The following CSF2RA variants were observed in gnomAD, a reference collection of about 807,000 sequenced individuals.
The protein encoded by CSF2RA is granulocyte-macrophage colony-stimulating factor receptor subunit alpha.
CSF2RA carries 42 observed loss-of-function variants against 51.6 expected under a neutral mutation model. That is an observed-to-expected ratio of 0.81 (90% CI 0.64 to 1.05). The LOEUF (loss-of-function observed/expected upper bound fraction) is 1.05. Ranked by LOEUF, CSF2RA falls within the 50% of genes least tolerant of loss-of-function variation. The probability of loss-of-function intolerance (pLI) is 0.00; values close to 1 mark genes in which losing one functional copy is unlikely to be tolerated. For missense variants in CSF2RA, 530 were observed against 501.1 expected, an observed-to-expected ratio of 1.06 and a Z score of -0.55; for synonymous variants, 222 against 193.0, an observed-to-expected ratio of 1.15 and a Z score of -1.24.
chrX:1,301,730 G>A (rs1437655167), intron 10 of CSF2RA, among the ~76,000 whole-genome samples: 3 of 149,682 alleles, frequency 2.0e-5, no homozygotes, highest in Non-Finnish European at 4.4e-5. Context: ...CCCAGTAGCT[G>A]GGACTACAGG....
chrX:1,309,715 C>T lies in CSF2RA; in HGVS notation c.*236C>T. The T allele has an allele frequency of 4.5e-6, 4 of 885,038 alleles. No individual in the cohort carries two copies. Among genetic ancestry groups the T allele is most frequent in the South Asian group, 1.4e-5 (1 of 73,020 alleles). The allele number at this position is 885,038 out of a possible 1,614,324, so 54.8% of individuals were successfully genotyped here. A position where few individuals can be genotyped will look rare whatever the true frequency, so the allele number is the denominator to read the frequency against. ...CAGCCTGCCCAACATGGTGAAACCC[C>T]ATCTGGACTAAAAATGCAGAAATTT... On this transcript the variant is annotated 3_prime_UTR_variant, in exon 13 of 13. Coordinates refer to ENST00000381529, the MANE Select transcript of CSF2RA (RefSeq NM_172245.4).
the CSF2RA span, among the ~76,000 whole-genome samples, chrX:1,319,154 C>T: frequency 4.1e-5 from 6 of 148,138 alleles, no homozygotes; most frequent in Admixed American, 6.8e-5. Flanking sequence ...CGCCACCACG[C>T]CTGGCTAATT....
downstream of CSF2RA, chrX:1,310,061 G>A (rs1326021538): frequency 1.7e-5 from 6 of 352,226 alleles, no homozygotes; most frequent in Non-Finnish European, 2.5e-5. Flanking sequence ...TGGGCGTGGT[G>A]GCTTGTGCCT....
intron 6 of CSF2RA, among the ~76,000 whole-genome samples, chrX:1,289,442 GTTGTTTTGTTTTGTGTTTT>G (rs1476075548): frequency 1.3e-5 from 2 of 152,108 alleles, no homozygotes; most frequent in South Asian, 4.1e-4. Context: ...TTTTTTGGTT[GTTGTTTTGTTTTGTGTTTT>G]TTGTTTTGTT....
At chrX:1,301,753 C>T (rs184386576) in intron 10 of CSF2RA, among the ~76,000 whole-genome samples, 2,355 of 150,764 alleles carry the variant, frequency 0.016, 65 homozygotes, top group African/African-American at 0.055. Flanking sequence ...CCCATCACCA[C>T]GCCTGGCTAA....
Position 1,288,831 on chromosome X carries a change from C to T in CSF2RA, c.416C>T (p.Ala139Val), listed in dbSNP as rs777638014. ...YNADLMNCTW[A>V]RGPTAPRDVQ... ...GCGGATTTAATGAACTGTACCTGGG[C>T]GAGGGGTCCGACGGCCCCCCGTGAC... The change falls in exon 6 of 13, where the codon GCG (alanine) becomes GTG (valine). Residue 139 changes from alanine to valine, a missense_variant. Transcript: ENST00000381529. The T allele has an allele frequency of 1.1e-5, 18 of 1,613,788 alleles. No individual in the cohort carries two copies. In the African/African-American group the frequency reaches 1.3e-4, roughly 12 times the overall value.
At chrX:1,272,425 T>C (rs1422349748) in intron 1 of CSF2RA, among the ~76,000 whole-genome samples, 1 of 151,842 alleles carries the variant, frequency 6.6e-6, no homozygotes, top group Admixed American at 6.6e-5. Context: ...AGGAATTCTA[T>C]TGAGGAGCAA....
rs1336881397 is a variant in CSF2RA, at chrX:1,278,697, A to C, written c.-27+3879A>C. Among the ~76,000 whole-genome samples, 3 of 138,608 alleles carry C rather than the reference A, an allele frequency of 2.2e-5. 1 individual carries two copies. The highest frequency in any genetic ancestry group is 4.8e-5 in the Non-Finnish European group (3 of 62,364). The allele number at this position is 138,608 out of a possible 152,430, so 90.9% of individuals were successfully genotyped here. ...TGAGACTCAGTCTAAAAAAAAAAAA[A>C]ATTCAGGGCAAGCAAGTTTATTATG... On this transcript the variant is annotated intron_variant, in intron 2 of 12. Transcript: ENST00000381529.
rs1317579852 is a variant in CSF2RA at position 1,286,935 on chromosome X, C to T, written c.219+1015C>T. On this transcript the variant is annotated intron_variant, in intron 4 of 12. Coordinates refer to ENST00000381529, the MANE Select transcript of CSF2RA (RefSeq NM_172245.4). ...AACACAGGAGACAGAGACAGAAGAGCGGGGAGAGGGGAGGGAAGGAGGGAG... is the reference window on the plus strand; with the variant it reads ...AACACAGGAGACAGAGACAGAAGAGTGGGGAGAGGGGAGGGAAGGAGGGAG... Among the ~76,000 whole-genome samples, 16 of 150,254 alleles carry T rather than the reference C, an allele frequency of 1.1e-4. No individual in the cohort carries two copies. In the East Asian group the frequency reaches 1.6e-3, roughly 15 times the overall value.
rs1447438040 is a variant in CSF2RA at position 1,290,272 on chromosome X, G to C, written c.474-65G>C. The stretch of plus-strand genomic sequence containing the variant: ...TTTGTTTTGTGTTTGTTTTTGTTTT[G>C]TTTTGTGTTTTTGTGTTTTGTTTTG... On this transcript the variant is annotated intron_variant, in intron 6 of 12. Coordinates refer to ENST00000381529, the MANE Select transcript of CSF2RA (RefSeq NM_172245.4). 4.6e-6 allele frequency: 6 copies of C among 1,315,566 alleles called. No homozygotes were observed. The South Asian group carries it at 4.8e-5, about 11-fold the overall frequency. The allele number at this position is 1,315,566 out of a possible 1,614,324, so 81.5% of individuals were successfully genotyped here.
rs1481642745 is a variant in CSF2RA, at chrX:1,300,594, A to G, written c.914A>G (p.Asn305Ser). The G allele has an allele frequency of 6.2e-7, 1 of 1,613,892 alleles. No homozygotes were observed. Among genetic ancestry groups the G allele is most frequent in the South Asian group, 1.1e-5 (1 of 91,076 alleles). Residue 305 changes from asparagine to serine, a missense_variant, in exon 10 of 13, where the codon AAT becomes AGT. Asn to Ser is a conservative substitution (Grantham distance 46). Transcript: ENST00000381529. Reference protein sequence around the residue: ...KIRAADVRILNWSSWSEAIEF... With the variant: ...KIRAADVRILSWSSWSEAIEF... ...AGAGCTGCAGACGTCCGCATCTTGA[A>G]TTGGAGCTCCTGGAGTGAAGCCATT...
In CSF2RA at chrX:1,309,639, C is replaced by G. The variant is rs373423651; in HGVS notation, c.*160C>G. ...CGGTGGCTCACGCCTGTAATCCCAG[C>G]ACTTTGGGAGGCCAAGGCAGGCGGA... On this transcript the variant is annotated 3_prime_UTR_variant, in exon 13 of 13. Coordinates refer to ENST00000381529, the MANE Select transcript of CSF2RA (RefSeq NM_172245.4). 3.2e-6 allele frequency: 5 copies of G among 1,561,542 alleles called. No individual in the cohort carries two copies. The African/African-American group carries it at 6.8e-5, about 21-fold the overall frequency.
chrX:1,269,276 G>A (rs1242712474), intron 1 of CSF2RA, among the ~76,000 whole-genome samples: 2 of 152,098 alleles, frequency 1.3e-5, no homozygotes, highest in Non-Finnish European at 1.5e-5. Context: ...TATCTAGCAC[G>A]GAATTATCAC....
At position 1,289,616 on chromosome X, in the gene CSF2RA, TTGTTTTGTTTTG is replaced by T. The variant is rs1449671910; in HGVS notation, c.474-703_474-692del. Among the ~76,000 whole-genome samples, 14 of 152,066 alleles carry T rather than the reference TTGTTTTGTTTTG, an allele frequency of 9.2e-5. 1 individual carries two copies. Among genetic ancestry groups the T allele is most frequent in the South Asian group, 8.3e-4 (4 of 4,822 alleles). ...GTGTTTTTGTTTTTTGTGTTTGTTT[TTGTTTTGTTTTG>T]TGTTTTGTTTTGTGTTTGTTTTTGT... On this transcript the variant is annotated intron_variant, in intron 6 of 12. Coordinates refer to ENST00000381529, the MANE Select transcript of CSF2RA (RefSeq NM_172245.4).
rs767204177 is a variant in CSF2RA, at chrX:1,295,439, G to C, written c.793G>C (p.Gly265Arg). 22 of 1,613,314 alleles carry C rather than the reference G, an allele frequency of 1.4e-5. No homozygotes were observed. The highest frequency in any genetic ancestry group is 5.0e-5 in the Admixed American group (3 of 59,930). Residue 265 changes from glycine to arginine, a missense_variant, in exon 9 of 13, where the codon GGC becomes CGC. Coordinates refer to ENST00000381529, the MANE Select transcript of CSF2RA (RefSeq NM_172245.4). ...GTTTTGTTTCTAGAATACCCAGCCT[G>C]GCACGGAAAACCTACTGGTAAGTGA... is the stretch of plus-strand genomic sequence containing the variant. The part of the protein sequence containing the change: ...LDVHRKNTQP[G>R]TENLLINVSG...
rs187340508 is a variant in CSF2RA, at chrX:1,299,790, C to T, written c.811-701C>T. Among the ~76,000 whole-genome samples, 72 of 152,018 alleles carry T rather than the reference C, an allele frequency of 4.7e-4. 1 individual carries two copies. In the South Asian group the frequency reaches 0.011, roughly 24 times the overall value. ...AAACGTACCCATGCGTGGTGGCGGG[C>T]GCCTGTAATCCCAGCTACGTGGGAG... is the stretch of plus-strand genomic sequence containing the variant. On this transcript the variant is annotated intron_variant, in intron 9 of 12. Transcript: ENST00000381529.
At chrX:1,308,245 G>A (rs1208831607) in intron 12 of CSF2RA, among the ~76,000 whole-genome samples, 46 of 152,228 alleles carry the variant, frequency 3.0e-4, no homozygotes, top group Non-Finnish European at 6.2e-4. Context: ...ACGGGGACAC[G>A]TCATTGGTGC....
chrX:1,282,272 T>C (rs2090154065), intron 2 of CSF2RA: 1 of 204,194 alleles, frequency 4.9e-6, no homozygotes, highest in Non-Finnish European at 1.0e-5. Context: ...ACCTGAGCCA[T>C]CGTTTATCTT....
At chrX:1,284,908 C>G (rs2090464760) in intron 3 of CSF2RA, among the ~76,000 whole-genome samples, 1 of 151,948 alleles carries the variant, frequency 6.6e-6, no homozygotes, top group Non-Finnish European at 1.5e-5. Context: ...CTCAGGTGAT[C>G]CGCCCACCTC....
Sources: gnomAD v4.1 joint callset for allele counts (sites outside exome capture counted in the v4.1 genomes callset) on GRCh38, gnomAD v4.1.1 for gene constraint, MANE v1.5 for transcripts, NCBI Gene and HGNC (gene_info 2026-07-23, HGNC 2026-07-21) for gene names.